CSMD2: variants seen among roughly 807,000 people sequenced by gnomAD.
CSMD2 encodes CUB and sushi domain-containing protein 2.
A neutral mutation model predicts 398.5 loss-of-function variants in CSMD2; 130 were observed. That is an observed-to-expected ratio of 0.33 (90% CI 0.28 to 0.38). CSMD2 has a LOEUF of 0.38. Among genes scored for constraint, CSMD2 ranks in the 10% least tolerant of loss-of-function variants. The pLI, the probability that CSMD2 is intolerant of heterozygous loss-of-function variation, is 1.00. For synonymous variants in CSMD2, 1,828 were observed against 1,908.5 expected (o/e 0.96, Z 1.10); for missense variants, 3,829 against 4,764.9 (o/e 0.80, Z 5.78).
rs1269254372 is a variant in CSMD2, at chr1:33,636,968, C to T, written c.4775-414G>A. 6.6e-6 allele frequency among the ~76,000 whole-genome samples: 1 copy of T among 152,220 alleles called. No individual in the cohort carries two copies. The highest frequency in any genetic ancestry group is 1.5e-5 in the Non-Finnish European group (1 of 68,036). On this transcript the variant is annotated intron_variant, in intron 29 of 70. Transcript: ENST00000373381. This position sits in a 1 kb window ranked among gnomAD's most constrained non-coding sequence, Gnocchi z 4.8. The stretch of plus-strand genomic sequence containing the variant: ...TAAAGGTCAGTGCTTAGGTACAGCC[C>T]ATCACTTTACTCATCTTTGACCCCC...
intron 3 of CSMD2, among the ~76,000 whole-genome samples, chr1:33,956,777 C>T (rs1645183309): frequency 6.6e-6 from 1 of 152,160 alleles, no homozygotes; most frequent in Admixed American, 6.5e-5. Context: ...CCTGATTCCA[C>T]TCTTGCCCCC....
intron 5 of CSMD2, among the ~76,000 whole-genome samples, chr1:33,891,671 T>C (rs1313097488): frequency 6.7e-6 from 1 of 150,268 alleles, no homozygotes; most frequent in South Asian, 2.1e-4. Flanking sequence ...AATGATAGAG[T>C]GGATTAAGAA....
chr1:33,875,105 A>G (rs1640748265), intron 5 of CSMD2, among the ~76,000 whole-genome samples: 1 of 152,206 alleles, frequency 6.6e-6, no homozygotes, highest in Admixed American at 6.5e-5. Context: ...TATGCTGTCT[A>G]AATACCCTGA....
At chr1:34,079,687 A>T (rs904598923) in intron 2 of CSMD2, among the ~76,000 whole-genome samples, 4 of 152,196 alleles carry the variant, frequency 2.6e-5, no homozygotes, top group Non-Finnish European at 5.9e-5. Context: ...TAGAGTCAGT[A>T]AGACCTACCT....
chr1:33,552,679 G>C (rs1269154020), intron 55 of CSMD2, among the ~76,000 whole-genome samples: 1 of 152,188 alleles, frequency 6.6e-6, no homozygotes, highest in Non-Finnish European at 1.5e-5. Context: ...GAAGTAGCCA[G>C]ACACAAAAGA....
intron 5 of CSMD2, among the ~76,000 whole-genome samples, chr1:33,848,810 GT>G (rs35897729): frequency 5.8e-4 from 83 of 142,708 alleles, no homozygotes; most frequent in East Asian, 1.8e-3. Context: ...CGTATTGTGG[GT>G]TTTTTTTTTT....
At chr1:33,531,296 C>T (rs900997435) in intron 64 of CSMD2, among the ~76,000 whole-genome samples, 2 of 152,090 alleles carry the variant, frequency 1.3e-5, no homozygotes, top group South Asian at 2.1e-4. Context: ...CAATGAGATA[C>T]CACTTTATAC....
chr1:34,050,260 T>C (rs2148220524), intron 2 of CSMD2, among the ~76,000 whole-genome samples: 1 of 152,328 alleles, frequency 6.6e-6, no homozygotes, highest in South Asian at 2.1e-4. Flanking sequence ...ACTGCTTCCA[T>C]TGTAGAAGGA....
At chr1:33,933,919 T>C (rs939306526) in intron 4 of CSMD2, among the ~76,000 whole-genome samples, 7 of 151,958 alleles carry the variant, frequency 4.6e-5, no homozygotes, top group African/African-American at 1.5e-4. Context: ...GCAACTCAGA[T>C]TGATTGGCTG....
In CSMD2 at chr1:33,636,274, C is replaced by A; in HGVS notation, c.4969+86G>T. ...AGGAGCCGGGCTTGAGGACCTTGCC[C>A]CCCTCCCTTCCCCAGCCCACAGCAC... On this transcript the variant is annotated intron_variant, in intron 30 of 70. Coordinates refer to ENST00000373381, the MANE Select transcript of CSMD2 (RefSeq NM_001281956.2). The surrounding 1 kb of genome is among the most constrained non-coding windows in gnomAD (Gnocchi z 4.8). The A allele has an allele frequency of 4.4e-6, 6 of 1,355,472 alleles. No homozygotes were observed. The highest frequency in any genetic ancestry group is 6.0e-6 in the Non-Finnish European group (6 of 997,346). 84.0% of individuals were successfully genotyped at this position (1,355,472 alleles called of 1,614,324 possible).
At chr1:33,742,953 C>T (rs1647129984) in intron 14 of CSMD2, among the ~76,000 whole-genome samples, 1 of 152,220 alleles carries the variant, frequency 6.6e-6, no homozygotes, top group East Asian at 1.9e-4. Context: ...TCTCTTGGGC[C>T]CTCCCTAGTT....
At chr1:33,980,116 T>C (rs1414348412) in intron 3 of CSMD2, among the ~76,000 whole-genome samples, 1 of 152,086 alleles carries the variant, frequency 6.6e-6, no homozygotes, top group Non-Finnish European at 1.5e-5. Flanking sequence ...AACCCTCAAC[T>C]CTTATCTGGG....
chr1:33,819,974 C>A (rs778146099), intron 8 of CSMD2, 137 bp from the exon 9 acceptor site: 72 of 1,091,088 alleles, frequency 6.6e-5, no homozygotes, highest in Non-Finnish European at 8.7e-5. Context: ...TGTTTTATCA[C>A]TAAAAATCTC....
At chr1:33,568,314 A>G (rs1659260096) in intron 52 of CSMD2, among the ~76,000 whole-genome samples, 1 of 151,768 alleles carries the variant, frequency 6.6e-6, no homozygotes, top group Admixed American at 6.6e-5. Context: ...TAGCCTCCCA[A>G]GTAGCTGGGA....
intron 2 of CSMD2, among the ~76,000 whole-genome samples, chr1:34,038,967 A>G (rs1191902409): frequency 8.5e-5 from 13 of 152,114 alleles, no homozygotes; most frequent in Admixed American, 8.5e-4. Context: ...CTTTGCACGC[A>G]CTGTCTCCCA....
Position 34,163,378 on chromosome 1 carries a change from T to C in CSMD2, c.187+1533A>G, listed in dbSNP as rs1264167844. Among the ~76,000 whole-genome samples, 2 of 152,274 alleles carry C rather than the reference T, an allele frequency of 1.3e-5. No individual in the cohort carries two copies. The highest frequency in any genetic ancestry group is 4.8e-5 in the African/African-American group (2 of 41,580). The stretch of plus-strand genomic sequence containing the variant: ...CTCTGGGTGTCGGTGGCTATGACTC[T>C]TAGCAGAACCTAAGAAAGTCCCGTC... On this transcript the variant is annotated intron_variant, in intron 1 of 70. Transcript: ENST00000373381. The surrounding 1 kb of genome is among the most constrained non-coding windows in gnomAD (Gnocchi z 5.4).
At chr1:34,120,032 A>C (rs1174571514) in intron 1 of CSMD2, among the ~76,000 whole-genome samples, 1 of 152,260 alleles carries the variant, frequency 6.6e-6, no homozygotes, top group East Asian at 1.9e-4. Flanking sequence ...ATGTACCTAC[A>C]TGGATGAATG....
intron 3 of CSMD2, among the ~76,000 whole-genome samples, chr1:34,001,894 C>T (rs541178562): frequency 6.6e-6 from 1 of 152,194 alleles, no homozygotes; most frequent in East Asian, 1.9e-4. Context: ...TTAATAAATG[C>T]TGCAAAAATA....
Position 33,820,542 on chromosome 1 carries a change from C to T in CSMD2, c.1126G>A (p.Val376Met), listed in dbSNP as rs1366431716. 2.7e-6 allele frequency: 3 copies of T among 1,108,862 alleles called. No individual in the cohort carries two copies. Among genetic ancestry groups the T allele is most frequent in the Non-Finnish European group, 4.0e-6 (3 of 744,596 alleles). 68.7% of individuals were successfully genotyped at this position (1,108,862 alleles called of 1,614,324 possible). ...GGACACATATTATGTCCTTGGGACA[C>T]ACCAACCTGAGTTACTACAAGGCAA... ...QKTSVLTQVG[V>M]SQGHNMCPDP... Residue 376 changes from valine to methionine, a missense_variant, in exon 8 of 71, where the codon GTG (valine) becomes ATG (methionine). Val to Met is a conservative substitution (Grantham distance 21). Transcript: ENST00000373381.
Sources: allele counts gnomAD v4.1 joint callset (sites outside exome capture counted in the v4.1 genomes callset), GRCh38; gene constraint gnomAD v4.1.1; non-coding constraint Gnocchi (gnomAD v3.1); transcripts MANE v1.5; gene names NCBI Gene and HGNC (gene_info 2026-07-23, HGNC 2026-07-21).